Variants in GPC6 observed in about 807,000 individuals in gnomAD.
GPC6 encodes the protein glypican-6.
In GPC6, 14 loss-of-function variants were observed where a neutral mutation model predicts 55.2. That is an observed-to-expected ratio of 0.25 (90% CI 0.17 to 0.40). The LOEUF (loss-of-function observed/expected upper bound fraction) is 0.40. Ranked by LOEUF, GPC6 falls within the 10% of genes least tolerant of loss-of-function variation. The pLI is 1.00. For missense variants in GPC6, 641 were observed against 708.5 expected (o/e 0.90, Z 1.08); for synonymous variants, 278 against 259.6 (o/e 1.07, Z -0.68).
At chr13:93,449,396 G>A (rs980947299) in intron 1 of GPC6, among the ~76,000 whole-genome samples, 121 of 152,212 alleles carry the variant, frequency 7.9e-4, no homozygotes, top group African/African-American at 2.9e-3. Flanking sequence ...CTGATGGTCA[G>A]AGATTGAAAT....
chr13:93,323,555 G>A (rs1879533549), intron 1 of GPC6, among the ~76,000 whole-genome samples: 1 of 152,092 alleles, frequency 6.6e-6, no homozygotes, highest in Non-Finnish European at 1.5e-5. Context: ...ATTTTGTGTG[G>A]GGTTAGCAAG....
chr13:93,293,213 G>C (rs914621058), intron 1 of GPC6, among the ~76,000 whole-genome samples: 3 of 151,270 alleles, frequency 2.0e-5, no homozygotes, highest in Non-Finnish European at 4.4e-5. Context: ...AGTTCCTTTC[G>C]TGAGTAGCTG....
chr13:93,446,138 A>AT (rs1049694394), intron 1 of GPC6, among the ~76,000 whole-genome samples: 1 of 152,192 alleles, frequency 6.6e-6, no homozygotes, highest in South Asian at 2.1e-4. Flanking sequence ...TTGTACATAT[A>AT]TTTTTTAAAC....
intron 2 of GPC6, among the ~76,000 whole-genome samples, chr13:93,546,012 A>G (rs904670025): frequency 6.6e-6 from 1 of 152,238 alleles, no homozygotes; most frequent in Admixed American, 6.5e-5. Flanking sequence ...ATTACAAATT[A>G]CGACTGAAAT....
intron 1 of GPC6, among the ~76,000 whole-genome samples, chr13:93,433,220 G>T (rs1284602294): frequency 5.3e-5 from 8 of 152,102 alleles, no homozygotes; most frequent in Admixed American, 5.2e-4. Flanking sequence ...CTGAAATCTT[G>T]CAGTCCATGA....
intron 3 of GPC6, among the ~76,000 whole-genome samples, chr13:93,891,214 C>A (rs887451604): frequency 6.6e-6 from 1 of 151,884 alleles, no homozygotes; most frequent in Non-Finnish European, 1.5e-5. Flanking sequence ...TCAAAGTATA[C>A]CTAAAAAAGA....
intron 4 of GPC6, among the ~76,000 whole-genome samples, chr13:94,105,948 C>G (rs1886038494): frequency 6.7e-6 from 1 of 148,596 alleles, no homozygotes; most frequent in Admixed American, 6.7e-5. Flanking sequence ...TCCAGCTATC[C>G]TACATTGGAA....
At chr13:93,395,102 C>A (rs995107367) in intron 1 of GPC6, 39 of 264,362 alleles carry the variant, frequency 1.5e-4, no homozygotes, top group African/African-American at 7.9e-4. Flanking sequence ...TACACAACTT[C>A]CAAAGTTGAT....
chr13:94,363,991 G>C (rs9524462), intron 6 of GPC6, among the ~76,000 whole-genome samples: 6,436 of 152,258 alleles, frequency 0.042, 214 homozygotes, highest in Non-Finnish European at 0.068. Flanking sequence ...AATAAGTTGT[G>C]TTAAACAAAA....
intron 1 of GPC6, among the ~76,000 whole-genome samples, chr13:93,496,276 G>A (rs1213655834): frequency 6.6e-6 from 1 of 152,142 alleles, no homozygotes; most frequent in African/African-American, 2.4e-5. Flanking sequence ...GGGTGGGAGT[G>A]ACCCGATTTT....
At chr13:94,286,782 A>T (rs1049000003) in intron 5 of GPC6, among the ~76,000 whole-genome samples, 1 of 152,064 alleles carries the variant, frequency 6.6e-6, no homozygotes, top group African/African-American at 2.4e-5. Flanking sequence ...TTTGGGGGGA[A>T]TTTTCTTTTT....
rs1236098397 is a variant in GPC6, at chr13:94,026,831, C to T, written c.712-898C>T. Among the ~76,000 whole-genome samples the T allele has an allele frequency of 2.6e-5, 4 of 152,072 alleles. No homozygotes were observed. The East Asian group carries it at 7.8e-4, about 30-fold the overall frequency. On this transcript the variant is annotated intron_variant, in intron 3 of 8. Coordinates refer to ENST00000377047, the MANE Select transcript of GPC6 (RefSeq NM_005708.5). ...AGTGCCAAGCAAAAGGGGAAAAAGC[C>T]CCCCTATAAAACCATCACATCTGGT...
At position 94,161,748 on chromosome 13, in the gene GPC6, C is replaced by G. The variant is rs368060560; in HGVS notation, c.878-124601C>G. Among the ~76,000 whole-genome samples the G allele has an allele frequency of 5.3e-5, 8 of 152,286 alleles. No individual in the cohort carries two copies. In the East Asian group the frequency reaches 1.5e-3, roughly 29 times the overall value. On this transcript the variant is annotated intron_variant, in intron 4 of 8. Coordinates refer to ENST00000377047, the MANE Select transcript of GPC6 (RefSeq NM_005708.5). Reference sequence around the variant, plus strand: ...GCACTTCAGTTTAAAAAAACCAACTCAAACTGGCTTTCATAATTGTATTAG... The same window carrying G: ...GCACTTCAGTTTAAAAAAACCAACTGAAACTGGCTTTCATAATTGTATTAG...
At chr13:94,090,451 C>G (rs1217173922) in intron 4 of GPC6, among the ~76,000 whole-genome samples, 1 of 152,052 alleles carries the variant, frequency 6.6e-6, no homozygotes, top group African/African-American at 2.4e-5. Context: ...TTAAACAGCT[C>G]TCCTTGCCTT....
chr13:93,978,040 G>A (rs1188128480), intron 3 of GPC6, among the ~76,000 whole-genome samples: 2 of 152,190 alleles, frequency 1.3e-5, no homozygotes, highest in Non-Finnish European at 2.9e-5. Flanking sequence ...AGTGGACTCA[G>A]TGTAACCACA....
chr13:93,655,831 G>A (rs1318471478), intron 2 of GPC6, among the ~76,000 whole-genome samples: 4 of 152,222 alleles, frequency 2.6e-5, no homozygotes, highest in African/African-American at 9.6e-5. Context: ...CTTGGTTATC[G>A]TTTTACAGCA....
At chr13:93,681,463 A>C (rs1184976457) in intron 2 of GPC6, among the ~76,000 whole-genome samples, 1 of 152,190 alleles carries the variant, frequency 6.6e-6, no homozygotes, top group Non-Finnish European at 1.5e-5. Flanking sequence ...ATTAAGGAAG[A>C]TACGGCAAGA....
rs148322186 is a variant in GPC6, at chr13:94,265,970, A to C, written c.878-20379A>C. Among the ~76,000 whole-genome samples the C allele has an allele frequency of 7.5e-3, 1,137 of 152,256 alleles. 4 individuals are homozygous for C. The highest frequency in any genetic ancestry group is 0.012 in the Non-Finnish European group (791 of 68,004). ...TCACTCCTTTTCATCATAAATCTGC[A>C]CTAGAGCCCAACTGTCTTCTCTAAA... is the stretch of plus-strand genomic sequence containing the variant. On this transcript the variant is annotated intron_variant, in intron 4 of 8. Coordinates refer to ENST00000377047, the MANE Select transcript of GPC6 (RefSeq NM_005708.5).
chr13:94,264,747 T>C (rs931193473), intron 4 of GPC6, among the ~76,000 whole-genome samples: 13 of 152,218 alleles, frequency 8.5e-5, no homozygotes, highest in African/African-American at 3.1e-4. Flanking sequence ...TAGTTCATTT[T>C]CATGCTGCTG....
Sources: gnomAD v4.1 joint callset for allele counts (sites outside exome capture counted in the v4.1 genomes callset) on GRCh38, gnomAD v4.1.1 for gene constraint, MANE v1.5 for transcripts, NCBI Gene and HGNC (gene_info 2026-07-23, HGNC 2026-07-21) for gene names.